Variants in HYCC1 observed in about 807,000 individuals in gnomAD.
HYCC1 encodes hyccin PI4KA lipid kinase complex subunit 1, also known as hyccin.
chr7:22,986,998 A>G, the HYCC1 span, among the ~76,000 whole-genome samples: 1 of 152,216 alleles, frequency 6.6e-6, no homozygotes, highest in Non-Finnish European at 1.5e-5. Context: ...AGAACCAGTA[A>G]TTAAAACAAT....
chr7:22,942,525 C>G, the HYCC1 span: 1 of 152,170 alleles, frequency 6.6e-6, no homozygotes, highest in African/African-American at 2.4e-5. Context: ...GCTCCAGTGC[C>G]ACCAGAATAC....
the HYCC1 span, among the ~76,000 whole-genome samples, chr7:22,925,466 C>T: frequency 1.2e-4 from 19 of 152,198 alleles, no homozygotes; most frequent in East Asian, 3.5e-3. Context: ...ACTAGAATAA[C>T]CAATGCAGAG....
chr7:22,985,720 C>A, the HYCC1 span: 1 of 151,520 alleles, frequency 6.6e-6, no homozygotes, highest in Non-Finnish European at 1.5e-5. Context: ...GTCATTTGAT[C>A]AAGAGTAACC....
At chr7:22,952,265 AG>A in the HYCC1 span, among the ~76,000 whole-genome samples, 11 of 152,002 alleles carry the variant, frequency 7.2e-5, no homozygotes, top group African/African-American at 2.7e-4. Flanking sequence ...GTAGGGTAAT[AG>A]GGGATAAAAG....
the HYCC1 span, among the ~76,000 whole-genome samples, chr7:22,931,480 T>C: frequency 6.6e-6 from 1 of 152,096 alleles, no homozygotes; most frequent in Non-Finnish European, 1.5e-5. Context: ...ATAACAAATA[T>C]CTGAAATTGT....
chr7:22,903,176 GGT>G, the HYCC1 span, among the ~76,000 whole-genome samples: 1 of 152,080 alleles, frequency 6.6e-6, no homozygotes, highest in Non-Finnish European at 1.5e-5. Context: ...TTTCTCAAAA[GGT>G]TGAACATAGT....
At chr7:22,943,095 G>C in the HYCC1 span, 1 of 152,136 alleles carries the variant, frequency 6.6e-6, no homozygotes, top group East Asian at 1.9e-4. Context: ...AAAATTTCAG[G>C]CATTTACAGC....
the HYCC1 span, chr7:22,939,087 T>C: frequency 6.6e-6 from 1 of 152,242 alleles, no homozygotes; most frequent in East Asian, 1.9e-4. Flanking sequence ...CTGCATTCTT[T>C]TTAATGGCTA....
chr7:22,903,657 A>T, the HYCC1 span, among the ~76,000 whole-genome samples: 14 of 152,220 alleles, frequency 9.2e-5, no homozygotes, highest in Non-Finnish European at 1.6e-4. Context: ...TACTGATCTC[A>T]TGTAAAATTT....
the HYCC1 span, among the ~76,000 whole-genome samples, chr7:22,989,245 A>G: frequency 6.6e-6 from 1 of 151,910 alleles, no homozygotes; most frequent in South Asian, 2.1e-4. Context: ...AAAAGCCGTG[A>G]TAACAGACTA....
chr7:22,967,584 C>A, the HYCC1 span, among the ~76,000 whole-genome samples: 1 of 152,104 alleles, frequency 6.6e-6, no homozygotes, highest in Non-Finnish European at 1.5e-5. Context: ...GTACCAAAAT[C>A]AGATTGGTCT....
chr7:23,002,136 GTATA>G, the HYCC1 span, among the ~76,000 whole-genome samples: 5,307 of 75,772 alleles, frequency 0.07, 130 homozygotes, highest in Non-Finnish European at 0.091. Context: ...GGTAAAAATT[GTATA>G]TATATATATA....
At chr7:22,967,276 G>A in the HYCC1 span, among the ~76,000 whole-genome samples, 466 of 152,286 alleles carry the variant, frequency 3.1e-3, 3 homozygotes, top group African/African-American at 0.01. Flanking sequence ...TAGAAGAAGC[G>A]GAGAGTCAGA....
At chr7:22,897,214 G>A in the HYCC1 span, among the ~76,000 whole-genome samples, 4 of 152,148 alleles carry the variant, frequency 2.6e-5, no homozygotes, top group East Asian at 1.9e-4. Context: ...GCTGGAGTGC[G>A]GTCTGTGTGG....
the HYCC1 span, among the ~76,000 whole-genome samples, chr7:22,909,175 G>A: frequency 6.6e-6 from 1 of 152,214 alleles, no homozygotes; most frequent in East Asian, 1.9e-4. Context: ...CTGGGGGAAA[G>A]TGATTGGATC....
At chr7:23,003,459 TGAG>T in the HYCC1 span, among the ~76,000 whole-genome samples, 1 of 151,884 alleles carries the variant, frequency 6.6e-6, no homozygotes, top group Non-Finnish European at 1.5e-5. Flanking sequence ...TGAGAAAAAA[TGAG>T]GAGGAATGTA....
the HYCC1 span, among the ~76,000 whole-genome samples, chr7:22,959,348 T>C: frequency 2.0e-5 from 3 of 152,180 alleles, no homozygotes; most frequent in African/African-American, 7.2e-5. Flanking sequence ...TCCTTTCCCA[T>C]TTTCTCTATA....
chr7:22,984,092 A>G, the HYCC1 span: 1 of 1,126,014 alleles, frequency 8.9e-7, no homozygotes, highest in Non-Finnish European at 1.3e-6. Flanking sequence ...AAATGTCCAG[A>G]ATAGGCAAAT....
the HYCC1 span, among the ~76,000 whole-genome samples, chr7:22,904,987 A>G: frequency 6.6e-6 from 1 of 152,092 alleles, no homozygotes; most frequent in Non-Finnish European, 1.5e-5. Flanking sequence ...GGGAGGTTAC[A>G]ATCGTGGTAG....
Sources: allele counts gnomAD v4.1 joint callset (sites outside exome capture counted in the v4.1 genomes callset), GRCh38; gene constraint gnomAD v4.1.1; transcripts MANE v1.5; gene names NCBI Gene and HGNC (gene_info 2026-07-23, HGNC 2026-07-21).